The following SLC45A2 variants were observed in gnomAD, a reference collection of about 807,000 sequenced individuals.
SLC45A2 encodes the protein solute carrier family 45 member 2, also known as membrane-associated transporter protein.
In SLC45A2, 36 loss-of-function variants were observed where a neutral mutation model predicts 45.5. That is an observed-to-expected ratio of 0.79 (90% CI 0.61 to 1.04). The LOEUF (loss-of-function observed/expected upper bound fraction) is 1.04, where lower values mean the gene tolerates loss of function less well. Among genes scored for constraint, SLC45A2 ranks in the 50% least tolerant of loss-of-function variants. The pLI, the probability that SLC45A2 is intolerant of heterozygous loss-of-function variation, is 0.00. For synonymous variants in SLC45A2, 306 were observed against 269.3 expected (o/e 1.14, Z -1.33); for missense variants, 719 against 671.0 (o/e 1.07, Z -0.79).
chr5:33,964,607 A>G (rs1057238558), intron 2 of SLC45A2, among the ~76,000 whole-genome samples: 1 of 152,168 alleles, frequency 6.6e-6, no homozygotes, highest in African/African-American at 2.4e-5. Flanking sequence ...AACAGGAAAT[A>G]ATGAGAACAA....
In SLC45A2 at chr5:33,984,593, G is replaced by C; in HGVS notation, c.-10C>G. 1 of 1,608,422 alleles carries C rather than the reference G, an allele frequency of 6.2e-7. No individual in the cohort carries two copies. Among genetic ancestry groups the C allele is most frequent in the Non-Finnish European group, 8.5e-7 (1 of 1,180,002 alleles). On this transcript the variant is annotated 5_prime_UTR_variant, in exon 1 of 7. Transcript: ENST00000296589. ...CACTGTTGCTACCCATGGCCACTGG[G>C]AGAGGAACCTTCCTGCGAGCCCACC...
intron 1 of SLC45A2, among the ~76,000 whole-genome samples, chr5:33,983,365 T>C (rs1753137568): frequency 6.6e-6 from 1 of 152,154 alleles, no homozygotes; most frequent in Non-Finnish European, 1.5e-5. Context: ...AAATGAACAA[T>C]AAGTCTACCC....
At chr5:33,949,682 A>G (rs1217772193) in intron 5 of SLC45A2, among the ~76,000 whole-genome samples, 2 of 152,236 alleles carry the variant, frequency 1.3e-5, no homozygotes, top group Non-Finnish European at 2.9e-5. Context: ...TAGGGATCCC[A>G]TAGATTTATA....
In SLC45A2 at chr5:33,946,288, C is replaced by T. The variant is rs368125763; in HGVS notation, c.1368+875G>A. 4.1e-6 allele frequency: 4 copies of T among 985,446 alleles called. No homozygotes were observed. In the African/African-American group the frequency reaches 5.2e-5, roughly 13 times the overall value. The allele number at this position is 985,446 out of a possible 1,614,324, so 61.0% of individuals were successfully genotyped here. The stretch of plus-strand genomic sequence containing the variant: ...ACCTCTTTTTTGAAAGGTTTTTACT[C>T]CTGGTGCACCTCTGCCCTGCTGCCA... On this transcript the variant is annotated intron_variant, in intron 6 of 6. Transcript: ENST00000296589.
chr5:33,945,943 C>G, intron 6 of SLC45A2: 1 of 984,234 alleles, frequency 1.0e-6, no homozygotes, highest in Non-Finnish European at 1.2e-6. Context: ...CACGTTGGGG[C>G]TGGAGGGAGA....
intron 2 of SLC45A2, chr5:33,971,413 TG>T: frequency 2.2e-6 from 1 of 453,764 alleles, no homozygotes; most frequent in South Asian, 1.7e-5. Context: ...AAGCTATTGC[TG>T]GCCAGCTGGA....
chr5:33,972,392 G>T (rs1029074315), intron 2 of SLC45A2: 1 of 372,162 alleles, frequency 2.7e-6, no homozygotes, highest in South Asian at 2.5e-5. Flanking sequence ...AGCAAGATTA[G>T]ACACGTTGAA....
intron 3 of SLC45A2, among the ~76,000 whole-genome samples, chr5:33,957,486 T>C (rs1752310042): frequency 1.3e-5 from 2 of 152,212 alleles, no homozygotes; most frequent in South Asian, 2.1e-4. Flanking sequence ...CCACTGACCA[T>C]AACTATACTC....
rs1561362511 is a variant in SLC45A2 at position 33,960,392 on chromosome 5, G to GCATATATATAAAAC, written c.888+3298_888+3299insGTTTTATATATATG. Among the ~76,000 whole-genome samples the GCATATATATAAAAC allele has an allele frequency of 9.6e-4, 146 of 152,040 alleles. 1 individual carries two copies. The highest frequency in any genetic ancestry group is 3.4e-3 in the African/African-American group (142 of 41,464). ...TTGTGCTGCTGTAAACGTGTGTGCA[G>GCATATATATAAAAC]GTATCTTTTATATATATGATGGAAT... is the stretch of plus-strand genomic sequence containing the variant. On this transcript the variant is annotated intron_variant, in intron 3 of 6. Transcript: ENST00000296589.
At chr5:33,974,291 G>C (rs1752863250) in intron 2 of SLC45A2, among the ~76,000 whole-genome samples, 1 of 152,062 alleles carries the variant, frequency 6.6e-6, no homozygotes, top group Non-Finnish European at 1.5e-5. Flanking sequence ...AAAGATAGAA[G>C]CTAGAGGAAT....
chr5:33,977,592 G>T (rs759599801), intron 2 of SLC45A2, among the ~76,000 whole-genome samples: 5 of 152,186 alleles, frequency 3.3e-5, no homozygotes, highest in African/African-American at 4.8e-5. Context: ...AGAAACTTTC[G>T]ATGTGAGCAA....
At position 33,947,173 on chromosome 5, in the gene SLC45A2, T is replaced by C. The variant is rs779245183; in HGVS notation, c.1358A>G (p.Glu453Gly). 1 of 1,614,178 alleles carries C rather than the reference T, an allele frequency of 6.2e-7. No homozygotes were observed. The highest frequency in any genetic ancestry group is 8.5e-7 in the Non-Finnish European group (1 of 1,180,038). ...TCAATGACAGCACACCTCCTTTTCTTCCTCGCGGTGGTACTCAGTAATGAG... is the reference window on the plus strand; with the variant it reads ...TCAATGACAGCACACCTCCTTTTCTCCCTCGCGGTGGTACTCAGTAATGAG... ...FNLITEYHRE[E>G]EKERQQAPGG... Residue 453 changes from glutamate (E) to glycine (G), a missense_variant, in exon 6 of 7, where the codon GAA becomes GGA. By Grantham distance (98) the Glu-to-Gly change is moderately conservative. Transcript: ENST00000296589.
Position 33,973,347 on chromosome 5 carries a change from G to A in SLC45A2, c.562+8889C>T, listed in dbSNP as rs534594803. On this transcript the variant is annotated intron_variant, in intron 2 of 6. Coordinates refer to ENST00000296589, the MANE Select transcript of SLC45A2 (RefSeq NM_016180.5). ...CACAAGCTGAAATCCCTGTATCCTT[G>A]GTTTCTGCCCTGGCCATATCCTTTC... is the stretch of plus-strand genomic sequence containing the variant. Among the ~76,000 whole-genome samples the A allele has an allele frequency of 4.6e-5, 7 of 152,248 alleles. No homozygotes were observed. The South Asian group carries it at 1.4e-3, about 32-fold the overall frequency.
At chr5:33,956,339 G>A (rs1267335107) in intron 3 of SLC45A2, among the ~76,000 whole-genome samples, 1 of 152,080 alleles carries the variant, frequency 6.6e-6, no homozygotes, top group Non-Finnish European at 1.5e-5. Flanking sequence ...GATGAAACAT[G>A]GCCTTACCAG....
At chr5:33,958,955 T>C (rs1218297424) in intron 3 of SLC45A2, among the ~76,000 whole-genome samples, 1 of 152,170 alleles carries the variant, frequency 6.6e-6, no homozygotes, top group African/African-American at 2.4e-5. Flanking sequence ...TATCAGGGTG[T>C]TATCTATTAT....
rs572849798 is a variant in SLC45A2, at chr5:33,954,491, A to G, written c.902T>C (p.Met301Thr). ...KNHAEQTRRA[M>T]TLKSLLRALV... is the part of the protein sequence containing the mutation. ...TGCTCTCAGCAGTGACTTTAATGTC[A>G]TTGCCCTGCGAGTCTGAAATAAAAC... The change falls in exon 4 of 7, where the codon ATG becomes ACG. Residue 301 changes from methionine (M) to threonine (T), a missense_variant. Transcript: ENST00000296589. 1.6e-5 allele frequency: 26 copies of G among 1,613,988 alleles called. No homozygotes were observed. In the Admixed American group the frequency reaches 2.8e-4, roughly 18 times the overall value.
In SLC45A2 at chr5:33,984,237, C is replaced by T. The variant is rs932803868; in HGVS notation, c.347G>A (p.Gly116Asp). The T allele has an allele frequency of 1.6e-5, 26 of 1,614,130 alleles. No homozygotes were observed. Among genetic ancestry groups the T allele is most frequent in the Non-Finnish European group, 2.0e-5 (24 of 1,180,022 alleles). ...ILTLGVMMLV[G>D]MALYLNGATV... ...AGCCCCATTGAGGTACAGAGCCATG[C>T]CCACGAGCATCATGACTCCCAGGGT... The change falls in exon 1 of 7, where the codon GGC (glycine) becomes GAC (aspartate). Residue 116 changes from glycine (G) to aspartate (D), a missense_variant. Gly to Asp is a moderately conservative substitution (Grantham distance 94). Transcript: ENST00000296589.
intron 3 of SLC45A2, among the ~76,000 whole-genome samples, chr5:33,958,771 G>A (rs1024418136): frequency 1.3e-4 from 20 of 149,260 alleles, no homozygotes; most frequent in African/African-American, 4.9e-4. Flanking sequence ...TGTATCTGTT[G>A]TATTTATTTT....
chr5:33,946,264 CCT>C (rs1751923532), intron 6 of SLC45A2: 1 of 985,328 alleles, frequency 1.0e-6, no homozygotes, highest in Non-Finnish European at 1.2e-6. Context: ...GAAAGCCACA[CCT>C]CTTTTTTGAA....
Sources: gnomAD v4.1 joint callset for allele counts (sites outside exome capture counted in the v4.1 genomes callset) on GRCh38, gnomAD v4.1.1 for gene constraint, MANE v1.5 for transcripts, NCBI Gene and HGNC (gene_info 2026-07-23, HGNC 2026-07-21) for gene names.